NAALADL2: variants seen among roughly 807,000 people sequenced by gnomAD.
NAALADL2 encodes N-acetylated alpha-linked acidic dipeptidase like 2.
A neutral mutation model predicts 87.2 loss-of-function variants in NAALADL2; 76 were observed. The observed-to-expected ratio is 0.87, with a 90% confidence interval of 0.72 to 1.05. NAALADL2 has a LOEUF of 1.05. Ranked by LOEUF, NAALADL2 falls within the 50% of genes least tolerant of loss-of-function variation. The pLI is 0.00. For synonymous variants in NAALADL2, 354 were observed against 331.0 expected, an observed-to-expected ratio of 1.07 and a Z score of -0.75; for missense variants, 1,089 against 945.8, an observed-to-expected ratio of 1.15 and a Z score of -1.99.
intron 2 of NAALADL2, among the ~76,000 whole-genome samples, chr3:174,673,080 A>G (rs1312209402): frequency 1.3e-5 from 2 of 152,080 alleles, no homozygotes; most frequent in Non-Finnish European, 2.9e-5. Flanking sequence ...TTAAAGAAAG[A>G]AATAGAGAAA....
intron 9 of NAALADL2, among the ~76,000 whole-genome samples, chr3:175,514,157 A>G (rs1386959287): frequency 6.6e-6 from 1 of 152,220 alleles, no homozygotes; most frequent in Non-Finnish European, 1.5e-5. Flanking sequence ...ATGATAATTG[A>G]ATGCTTCTAT....
intron 10 of NAALADL2, among the ~76,000 whole-genome samples, chr3:175,580,072 T>A (rs1290029910): frequency 6.6e-6 from 1 of 152,162 alleles, no homozygotes; most frequent in Admixed American, 6.5e-5. Context: ...ATAGCTTTTA[T>A]GTAGCAGGAG....
intron 2 of NAALADL2, among the ~76,000 whole-genome samples, chr3:174,611,336 TA>T (rs529226711): frequency 2.7e-4 from 41 of 151,736 alleles, no homozygotes; most frequent in Admixed American, 4.6e-4. Context: ...TAAAAATAAA[TA>T]AAAAAAAGTA....
intron 4 of NAALADL2, among the ~76,000 whole-genome samples, chr3:175,306,428 C>G: frequency 6.6e-6 from 1 of 152,136 alleles, no homozygotes; most frequent in East Asian, 1.9e-4. Context: ...GTGGACATTC[C>G]TCCTACACAA....
chr3:175,006,717 G>A (rs1296252970), intron 1 of NAALADL2, among the ~76,000 whole-genome samples: 4 of 151,826 alleles, frequency 2.6e-5, no homozygotes, highest in Non-Finnish European at 4.4e-5. Context: ...CTCTAAGTCA[G>A]TTGAACAGAT....
intron 11 of NAALADL2, among the ~76,000 whole-genome samples, chr3:175,704,993 C>A (rs932714117): frequency 1.3e-5 from 2 of 152,166 alleles, no homozygotes; most frequent in Non-Finnish European, 2.9e-5. Context: ...GGAATATTTG[C>A]CCCTACATTT....
intron 1 of NAALADL2, among the ~76,000 whole-genome samples, chr3:174,505,105 T>G (rs1719120845): frequency 6.6e-6 from 1 of 152,156 alleles, no homozygotes; most frequent in Admixed American, 6.5e-5. Context: ...ATTATGTATC[T>G]TCAGCTGATA....
At chr3:174,441,451 C>A (rs374428075) in intron 1 of NAALADL2, among the ~76,000 whole-genome samples, 1 of 152,152 alleles carries the variant, frequency 6.6e-6, no homozygotes, top group Non-Finnish European at 1.5e-5. Context: ...CAGCCCGACA[C>A]GGCGCGCTAG....
chr3:175,771,329 C>T (rs968894193), intron 13 of NAALADL2, among the ~76,000 whole-genome samples: 10 of 152,124 alleles, frequency 6.6e-5, no homozygotes, highest in East Asian at 3.9e-4. Context: ...ACTTTCTCTA[C>T]GTAAATCAAA....
At chr3:175,649,955 A>T (rs1215126486) in intron 11 of NAALADL2, among the ~76,000 whole-genome samples, 3 of 151,938 alleles carry the variant, frequency 2.0e-5, no homozygotes, top group Non-Finnish European at 2.9e-5. Context: ...GGCAGTTTTT[A>T]AAAAGTTAAA....
intron 2 of NAALADL2, among the ~76,000 whole-genome samples, chr3:175,227,795 CA>C (rs1011938295): frequency 1.3e-5 from 2 of 151,856 alleles, no homozygotes; most frequent in African/African-American, 4.8e-5. Flanking sequence ...TGATTTAAAA[CA>C]ATTTAAAAAT....
At chr3:174,588,018 T>C (rs539814479) in intron 2 of NAALADL2, among the ~76,000 whole-genome samples, 89 of 152,322 alleles carry the variant, frequency 5.8e-4, no homozygotes, top group Middle Eastern at 3.4e-3. Context: ...CAATCAGATG[T>C]AGATTTGTTC....
chr3:174,552,132 A>G (rs910693448), intron 2 of NAALADL2, among the ~76,000 whole-genome samples: 1 of 152,222 alleles, frequency 6.6e-6, no homozygotes, highest in Non-Finnish European at 1.5e-5. Flanking sequence ...ATAATTAACT[A>G]TGTAAGACAA....
At chr3:175,670,401 A>C in intron 11 of NAALADL2, among the ~76,000 whole-genome samples, 1 of 144,316 alleles carries the variant, frequency 6.9e-6, no homozygotes, top group African/African-American at 2.6e-5. Flanking sequence ...AATTATATTA[A>C]ATTTACATTA....
In NAALADL2 at chr3:175,104,821, T is replaced by A. The variant is rs373033406; in HGVS notation, c.545+7530T>A. On this transcript the variant is annotated intron_variant, in intron 2 of 13. Coordinates refer to ENST00000454872, the MANE Select transcript of NAALADL2 (RefSeq NM_207015.3). ...ATAACAAATGTACATTGTCTGAAGT[T>A]TAATCAGAAAAGGAATACATAGGAT... Among the ~76,000 whole-genome samples the A allele has an allele frequency of 6.6e-5, 10 of 152,250 alleles. No individual in the cohort carries two copies. In the East Asian group the frequency reaches 1.7e-3, roughly 26 times the overall value.
intron 2 of NAALADL2, among the ~76,000 whole-genome samples, chr3:174,712,048 A>T (rs991530408): frequency 6.6e-6 from 1 of 152,146 alleles, no homozygotes; most frequent in Admixed American, 6.5e-5. Context: ...CGGCCTCCCA[A>T]AGTGCTGGGA....
At chr3:174,876,109 G>C (rs146821983) in intron 1 of NAALADL2, among the ~76,000 whole-genome samples, 2,322 of 152,038 alleles carry the variant, frequency 0.015, 33 homozygotes, top group Non-Finnish European at 0.017. Context: ...TATGTGATCA[G>C]ATGTTAACAG....
chr3:174,805,498 A>G (rs1719363321), intron 3 of NAALADL2, among the ~76,000 whole-genome samples: 1 of 152,152 alleles, frequency 6.6e-6, no homozygotes, highest in Non-Finnish European at 1.5e-5. Flanking sequence ...TATTTATGCT[A>G]TCTTATTAAC....
intron 2 of NAALADL2, among the ~76,000 whole-genome samples, chr3:174,712,803 T>G (rs1052417212): frequency 6.6e-6 from 1 of 151,970 alleles, no homozygotes; most frequent in African/African-American, 2.4e-5. Context: ...TTCTTTATAT[T>G]TATTTATTTT....
Sources: gnomAD v4.1 joint callset for allele counts (sites outside exome capture counted in the v4.1 genomes callset) on GRCh38, gnomAD v4.1.1 for gene constraint, MANE v1.5 for transcripts, NCBI Gene and HGNC (gene_info 2026-07-23, HGNC 2026-07-21) for gene names.